FHIT: variants seen among roughly 807,000 people sequenced by gnomAD.
FHIT encodes the protein bis(5'-adenosyl)-triphosphatase.
Under a neutral mutation model 17.9 loss-of-function variants are expected in FHIT, and 19 were observed. The ratio of observed to expected loss-of-function variants is 1.06; its 90% CI spans 0.74 to 1.56. The LOEUF is 1.56. Ranked by LOEUF, FHIT falls within the 40% of genes most tolerant of loss-of-function variation. The pLI is 0.00. For synonymous variants in FHIT, 81 were observed against 69.7 expected (o/e 1.16, Z -0.81); for missense variants, 248 against 189.2 (o/e 1.31, Z -1.82).
At chr3:60,977,190 A>G (rs73102212) in intron 3 of FHIT, among the ~76,000 whole-genome samples, 14,480 of 152,216 alleles carry the variant, frequency 0.095, 963 homozygotes, top group East Asian at 0.24. Flanking sequence ...TGAGGGAGCG[A>G]AAATTGTGTA....
chr3:61,092,374 TCTC>T (rs1334037353), intron 2 of FHIT, among the ~76,000 whole-genome samples: 2 of 152,146 alleles, frequency 1.3e-5, no homozygotes, highest in Non-Finnish European at 2.9e-5. Context: ...TGCACCCTCT[TCTC>T]CATCATCCTT....
chr3:61,033,099 C>A (rs775118423), intron 3 of FHIT, among the ~76,000 whole-genome samples: 12 of 152,208 alleles, frequency 7.9e-5, no homozygotes, highest in African/African-American at 1.2e-4. Context: ...ATGAGGGTGA[C>A]TTTTACTTAG....
chr3:60,542,965 T>C lies in FHIT; in HGVS notation c.-17-5986A>G, dbSNP rs1394315226. 2.6e-5 allele frequency among the ~76,000 whole-genome samples: 4 copies of C among 152,236 alleles called. No homozygotes were observed. In the East Asian group the frequency reaches 5.8e-4, roughly 22 times the overall value. On this transcript the variant is annotated intron_variant, in intron 4 of 9. Coordinates refer to ENST00000492590, the MANE Select transcript of FHIT (RefSeq NM_002012.4). ...AGAAACGGCTTCATTTTTCTTTTTG[T>C]GAGCCAATTTTCCTAGTACCAATTC...
chr3:61,081,258 A>G (rs980775199), intron 2 of FHIT, among the ~76,000 whole-genome samples: 1 of 152,170 alleles, frequency 6.6e-6, no homozygotes, highest in Non-Finnish European at 1.5e-5. Context: ...AAGAAGGGAC[A>G]TGTTACCTAC....
At chr3:59,928,841 A>G (rs1705803829) in intron 7 of FHIT, among the ~76,000 whole-genome samples, 1 of 151,958 alleles carries the variant, frequency 6.6e-6, no homozygotes, top group Non-Finnish European at 1.5e-5. Flanking sequence ...CTAAAAATAC[A>G]AAAATTAGCC....
chr3:60,907,594 T>C (rs529947987), intron 3 of FHIT, among the ~76,000 whole-genome samples: 2 of 151,924 alleles, frequency 1.3e-5, no homozygotes, highest in South Asian at 4.2e-4. Flanking sequence ...TATGATTACA[T>C]ATTCATCTTA....
At chr3:60,755,131 A>G (rs1257239819) in intron 4 of FHIT, among the ~76,000 whole-genome samples, 1 of 152,172 alleles carries the variant, frequency 6.6e-6, no homozygotes, top group Non-Finnish European at 1.5e-5. Flanking sequence ...CTCAAGGTCC[A>G]TCTACTCTGT....
intron 7 of FHIT, among the ~76,000 whole-genome samples, chr3:59,971,821 C>T (rs946207566): frequency 1.3e-5 from 2 of 152,100 alleles, no homozygotes; most frequent in East Asian, 1.9e-4. Context: ...TCAAGGGTCA[C>T]TGTGCAGATG....
At chr3:60,129,046 T>TTTG (rs1196298736) in intron 5 of FHIT, among the ~76,000 whole-genome samples, 14 of 120,338 alleles carry the variant, frequency 1.2e-4, no homozygotes, top group Admixed American at 3.6e-4. Flanking sequence ...TCTTTCCTTT[T>TTTG]TTGTTTGTTT....
intron 5 of FHIT, among the ~76,000 whole-genome samples, chr3:60,170,334 T>A (rs1447165607): frequency 5.3e-5 from 8 of 152,126 alleles, no homozygotes. Context: ...CCCAACAATA[T>A]ATGATTCTGT....
At chr3:60,680,088 C>T (rs782004107) in intron 4 of FHIT, among the ~76,000 whole-genome samples, 7 of 152,136 alleles carry the variant, frequency 4.6e-5, no homozygotes, top group Non-Finnish European at 1.0e-4. Flanking sequence ...GGCATGTGGG[C>T]CATGGGAGTT....
intron 1 of FHIT, among the ~76,000 whole-genome samples, chr3:61,246,244 G>A (rs534103488): frequency 5.3e-5 from 8 of 152,268 alleles, no homozygotes; most frequent in African/African-American, 1.9e-4. Context: ...CGTCTATGGA[G>A]TAGCCATCCT....
At chr3:60,055,511 T>C (rs937789663) in intron 5 of FHIT, among the ~76,000 whole-genome samples, 3 of 151,352 alleles carry the variant, frequency 2.0e-5, no homozygotes, top group Non-Finnish European at 2.9e-5. Context: ...TTCTGTGTCA[T>C]AAAGATGGTG....
chr3:60,438,807 A>T (rs1329416570), intron 5 of FHIT, among the ~76,000 whole-genome samples: 1 of 152,122 alleles, frequency 6.6e-6, no homozygotes, highest in African/African-American at 2.4e-5. Context: ...GAACATAATG[A>T]TGTCCGTGGT....
chr3:61,204,932 T>C, intron 1 of FHIT, among the ~76,000 whole-genome samples: 1 of 151,840 alleles, frequency 6.6e-6, no homozygotes, highest in Non-Finnish European at 1.5e-5. Flanking sequence ...CATTAACTCA[T>C]CATCTAGCAT....
At chr3:59,904,095 C>T (rs1329256949) in intron 8 of FHIT, among the ~76,000 whole-genome samples, 5 of 149,700 alleles carry the variant, frequency 3.3e-5, no homozygotes, top group African/African-American at 1.2e-4. Context: ...CCCCCCCGCC[C>T]CCGGACAGCC....
intron 4 of FHIT, among the ~76,000 whole-genome samples, chr3:60,783,730 C>G (rs1356484687): frequency 6.6e-6 from 1 of 152,124 alleles, no homozygotes; most frequent in Non-Finnish European, 1.5e-5. Flanking sequence ...CAACAGTTGT[C>G]TCTTTCATAA....
At chr3:59,979,857 A>T (rs907918346) in intron 7 of FHIT, among the ~76,000 whole-genome samples, 1 of 152,146 alleles carries the variant, frequency 6.6e-6, no homozygotes, top group African/African-American at 2.4e-5. Flanking sequence ...AGAAATGAGA[A>T]TTAAATTCAG....
intron 5 of FHIT, among the ~76,000 whole-genome samples, chr3:60,070,519 A>G (rs1702720118): frequency 6.6e-6 from 1 of 152,236 alleles, no homozygotes. Flanking sequence ...TGAAGCAACT[A>G]CAGGAACCCA....
Sources: gnomAD v4.1 joint callset for allele counts (sites outside exome capture counted in the v4.1 genomes callset) on GRCh38, gnomAD v4.1.1 for gene constraint, MANE v1.5 for transcripts, NCBI Gene and HGNC (gene_info 2026-07-23, HGNC 2026-07-21) for gene names.